SIRPG: variants seen among roughly 807,000 people sequenced by gnomAD.
SIRPG encodes signal-regulatory protein gamma.
Under a neutral mutation model 35.7 loss-of-function variants are expected in SIRPG, and 38 were observed. The observed-to-expected ratio is 1.06, with a 90% CI of 0.82 to 1.40. The LOEUF (loss-of-function observed/expected upper bound fraction) is 1.40. Ranked by LOEUF, SIRPG falls within the 40% of genes most tolerant of loss-of-function variation. The pLI is 0.00. For synonymous variants in SIRPG, 215 were observed against 190.4 expected (o/e 1.13, Z -1.06); for missense variants, 519 against 483.0 (o/e 1.07, Z -0.70).
At chr20:1,655,525 G>A (rs985802783) in intron 1 of SIRPG, among the ~76,000 whole-genome samples, 7 of 151,796 alleles carry the variant, frequency 4.6e-5, no homozygotes, top group South Asian at 4.2e-4. Context: ...GCTAGAGAGG[G>A]GGTGTAGTTG....
chr20:1,674,777 TA>T, the SIRPG span, among the ~76,000 whole-genome samples: 429 of 152,318 alleles, frequency 2.8e-3, 5 homozygotes, highest in African/African-American at 9.7e-3. Context: ...CAGCTTGATT[TA>T]GGGGTGCCTA....
At chr20:1,674,439 C>A in the SIRPG span, among the ~76,000 whole-genome samples, 1 of 152,124 alleles carries the variant, frequency 6.6e-6, no homozygotes, top group African/African-American at 2.4e-5. Context: ...AGTTTCTGTC[C>A]CCAGTCTGTG....
At chr20:1,669,183 C>G in the SIRPG span, among the ~76,000 whole-genome samples, 2 of 152,176 alleles carry the variant, frequency 1.3e-5, no homozygotes, top group Non-Finnish European at 2.9e-5. Context: ...CTGATAGTGG[C>G]CCTGTCTTCA....
intron 1 of SIRPG, among the ~76,000 whole-genome samples, chr20:1,649,626 G>GTCCTTT (rs1300739683): frequency 9.8e-6 from 1 of 101,618 alleles, no homozygotes; most frequent in African/African-American, 3.9e-5. Context: ...GCACAGAGAG[G>GTCCTTT]TTCTTTTTTT....
the SIRPG span, among the ~76,000 whole-genome samples, chr20:1,680,492 C>A: frequency 3.2e-3 from 490 of 152,306 alleles, 3 homozygotes; most frequent in African/African-American, 0.011. Context: ...CTGCCAGGTC[C>A]AGCTGCACAC....
chr20:1,648,270 A>G (rs1420695788), intron 2 of SIRPG: 1 of 152,232 alleles, frequency 6.6e-6, no homozygotes, highest in Non-Finnish European at 1.5e-5. Context: ...GAGATGACCC[A>G]GCTCTGCTCA....
At chr20:1,662,462 G>A (rs10451725), upstream of SIRPG, among the ~76,000 whole-genome samples, 1,733 of 152,282 alleles carry the variant, frequency 0.011, 34 homozygotes, top group African/African-American at 0.039. Context: ...GTGTCCTATT[G>A]TTCTTTCGCT....
At chr20:1,630,171 C>A in intron 5 of SIRPG, 51 bp downstream of exon 5, 3 of 1,397,896 alleles carry the variant, frequency 2.1e-6, no homozygotes, top group South Asian at 2.5e-5. Flanking sequence ...TTCCTGTTGG[C>A]CTTGCCCTTC....
At chr20:1,656,756 G>T (rs1431417923) in intron 1 of SIRPG, among the ~76,000 whole-genome samples, 2 of 152,206 alleles carry the variant, frequency 1.3e-5, no homozygotes, top group Admixed American at 6.5e-5. Flanking sequence ...GGAGATGGTG[G>T]TGCCTGTTAT....
intron 4 of SIRPG, among the ~76,000 whole-genome samples, chr20:1,634,354 C>T (rs1218869291): frequency 6.6e-6 from 1 of 151,936 alleles, no homozygotes; most frequent in African/African-American, 2.4e-5. Flanking sequence ...CTACAGGCGC[C>T]CGCCACCACG....
the SIRPG span, among the ~76,000 whole-genome samples, chr20:1,663,962 T>A: frequency 6.6e-6 from 1 of 152,230 alleles, no homozygotes; most frequent in African/African-American, 2.4e-5. Flanking sequence ...CTGCAGACTG[T>A]ACAAGAGCAT....
At chr20:1,656,174 G>A (rs1405109232) in intron 1 of SIRPG, among the ~76,000 whole-genome samples, 2 of 152,108 alleles carry the variant, frequency 1.3e-5, no homozygotes, top group Non-Finnish European at 2.9e-5. Context: ...ATGTTTGCTT[G>A]CCTGCATTTT....
chr20:1,644,728 G>A (rs918687324), intron 2 of SIRPG, among the ~76,000 whole-genome samples: 25 of 152,208 alleles, frequency 1.6e-4, no homozygotes, highest in African/African-American at 5.8e-4. Context: ...GGGTTGCACA[G>A]TTCTGTGGAA....
chr20:1,657,501 C>T (rs1055258827), intron 1 of SIRPG, 141 bp downstream of exon 1: 7 of 824,984 alleles, frequency 8.5e-6, no homozygotes, highest in Non-Finnish European at 1.4e-5. Flanking sequence ...GCTCAGCTCC[C>T]TGATCTTCTG....
At chr20:1,650,000 G>GTATATATATA (rs1491226682) in intron 1 of SIRPG, among the ~76,000 whole-genome samples, 33 of 85,414 alleles carry the variant, frequency 3.9e-4, no homozygotes, top group African/African-American at 1.5e-3. Flanking sequence ...CTACTTTGAA[G>GTATATATATA]TGTGTATATA....
chr20:1,656,264 T>G (rs1020211007), intron 1 of SIRPG, among the ~76,000 whole-genome samples: 1 of 152,224 alleles, frequency 6.6e-6, no homozygotes, highest in Non-Finnish European at 1.5e-5. Flanking sequence ...TGATCCCAAC[T>G]GCTCCATGGA....
the SIRPG span, among the ~76,000 whole-genome samples, chr20:1,676,116 A>G: frequency 6.6e-6 from 1 of 152,220 alleles, no homozygotes; most frequent in Admixed American, 6.5e-5. Flanking sequence ...GTGGGAATGC[A>G]TCAACTGGGA....
chr20:1,638,817 G>T (rs2122470109), intron 2 of SIRPG, among the ~76,000 whole-genome samples: 1 of 132,308 alleles, frequency 7.6e-6, no homozygotes, highest in African/African-American at 3.0e-5. Flanking sequence ...TCCCCTCCCT[G>T]CGTCCATGTG....
chr20:1,643,574 A>T (rs1755827306), intron 2 of SIRPG, among the ~76,000 whole-genome samples: 1 of 152,116 alleles, frequency 6.6e-6, no homozygotes, highest in African/African-American at 2.4e-5. Flanking sequence ...ACTTCCGTCA[A>T]TTCGTCCATT....
Sources: gnomAD v4.1 joint callset for allele counts (sites outside exome capture counted in the v4.1 genomes callset) on GRCh38, gnomAD v4.1.1 for gene constraint, MANE v1.5 for transcripts, NCBI Gene and HGNC (gene_info 2026-07-23, HGNC 2026-07-21) for gene names.